ATP1A1: variants seen among roughly 807,000 people sequenced by gnomAD.
ATP1A1 encodes ATPase Na+/K+ transporting subunit alpha 1.
A neutral mutation model predicts 114.8 loss-of-function variants in ATP1A1; 14 were observed. The ratio of observed to expected loss-of-function variants is 0.12; its 90% CI spans 0.08 to 0.19. The LOEUF (loss-of-function observed/expected upper bound fraction) is 0.19, where lower values mean the gene tolerates loss of function less well. Among genes scored for constraint, ATP1A1 ranks in the 10% least tolerant of loss-of-function variants. ATP1A1 has a pLI of 1.00. For synonymous variants in ATP1A1, 471 were observed against 466.3 expected (o/e 1.01, Z -0.13); for missense variants, 524 against 1,290.7 (o/e 0.41, Z 9.10).
At position 116,402,526 on chromosome 1, in the gene ATP1A1, C is replaced by T. The variant is rs979917402; in HGVS notation, c.2951+871C>T. Among the ~76,000 whole-genome samples the T allele has an allele frequency of 2.0e-5, 3 of 152,246 alleles. No homozygotes were observed. In the East Asian group the frequency reaches 5.8e-4, roughly 29 times the overall value. On this transcript the variant is annotated intron_variant, in intron 21 of 22. Transcript: ENST00000295598. ...GTAACCAAAACCCATCAGCCTCATT[C>T]ACTTCCTGTGGGTTATGTGCAGACA...
chr1:116,376,448 C>G (rs772118410), intron 1 of ATP1A1, among the ~76,000 whole-genome samples: 1 of 152,160 alleles, frequency 6.6e-6, no homozygotes, highest in African/African-American at 2.4e-5. Flanking sequence ...TGGAAAGTTG[C>G]CCGGGCCTGG....
chr1:116,386,489 A>G (rs1446505254), intron 3 of ATP1A1, among the ~76,000 whole-genome samples: 1 of 152,238 alleles, frequency 6.6e-6, no homozygotes, highest in African/African-American at 2.4e-5. Context: ...ATAGCACTCA[A>G]ATGTTTGGTA....
At chr1:116,375,631 T>C (rs1307968166) in intron 1 of ATP1A1, among the ~76,000 whole-genome samples, 3 of 152,228 alleles carry the variant, frequency 2.0e-5, no homozygotes, top group East Asian at 1.9e-4. Flanking sequence ...TTGAGTATTC[T>C]GATACATTAA....
rs756472989 is a variant in ATP1A1 at position 116,387,350 on chromosome 1, C to G, written c.246C>G (p.Pro82=). ...LARDGPNALT[P]PPTTPEWIKF... ...GAGATGGTCCCAACGCCCTCACTCC[C>G]CCTCCCACTACTCCTGAATGGATCA... The change falls in exon 4 of 23, where the codon CCC becomes CCG. Residue 82 remains proline, a synonymous_variant. Transcript: ENST00000295598. This position sits in a 1 kb window ranked among gnomAD's most constrained non-coding sequence, Gnocchi z 6.7. 2 of 1,614,082 alleles carry G rather than the reference C, an allele frequency of 1.2e-6. No homozygotes were observed. The highest frequency in any genetic ancestry group is 1.7e-5 in the Admixed American group (1 of 60,002).
chr1:116,382,275 G>C (rs931822647), intron 1 of ATP1A1: 2 of 152,156 alleles, frequency 1.3e-5, no homozygotes, highest in African/African-American at 2.4e-5. Flanking sequence ...CTCATTAAAG[G>C]TATGATATAC....
Position 116,384,745 on chromosome 1 carries a change from A to C in ATP1A1, c.124-38A>C. 6.5e-7 allele frequency: 1 copy of C among 1,533,160 alleles called. No homozygotes were observed. Among genetic ancestry groups the C allele is most frequent in the Non-Finnish European group, 8.9e-7 (1 of 1,120,306 alleles). 95.0% of individuals were successfully genotyped at this position (1,533,160 alleles called of 1,614,324 possible). ...TTTTTCTGTCATTTTTTTATACTAC[A>C]CTGTTTAACTATTTTCTTTGTTTCT... On this transcript the variant is annotated intron_variant, in intron 2 of 22. Coordinates refer to ENST00000295598, the MANE Select transcript of ATP1A1 (RefSeq NM_000701.8). This position sits in a 1 kb window ranked among gnomAD's most constrained non-coding sequence, Gnocchi z 5.1.
chr1:116,391,174 G>A (rs1212032833), intron 10 of ATP1A1, among the ~76,000 whole-genome samples: 2 of 152,152 alleles, frequency 1.3e-5, no homozygotes, highest in African/African-American at 4.8e-5. Context: ...GTCTTTATTG[G>A]TGAAAAACCT....
chr1:116,384,078 G>T lies in ATP1A1; in HGVS notation c.77G>T (p.Gly26Val). Residue 26 changes from glycine (G) to valine (V), a missense_variant, in exon 2 of 23, where the codon GGC becomes GTC. Physicochemically the swap from Gly to Val is moderately radical, Grantham distance 109 (BLOSUM62 -3). Transcript: ENST00000295598. The surrounding 1 kb of genome is among the most constrained non-coding windows in gnomAD (Gnocchi z 5.1). Reference sequence around the variant, plus strand: ...CAAGGTGATAAAAAGGGCAAAAAGGGCAAAAAAGACAGGGACATGGATGAA... The same window carrying T: ...CAAGGTGATAAAAAGGGCAAAAAGGTCAAAAAAGACAGGGACATGGATGAA... ...SEQGDKKGKK[G>V]KKDRDMDELK... The T allele has an allele frequency of 1.2e-6, 2 of 1,613,752 alleles. No homozygotes were observed. Among genetic ancestry groups the T allele is most frequent in the African/African-American group, 2.7e-5 (2 of 74,994 alleles).
rs1315594184 is a variant in ATP1A1 at position 116,404,625 on chromosome 1, G to A, written c.*181G>A. ...TAGCTCTATGGGGGGAGGGGGGAGG[G>A]CTGCCTGAAAACCATCCATCTGTGG... On this transcript the variant is annotated 3_prime_UTR_variant, in exon 23 of 23. Transcript: ENST00000295598. This position sits in a 1 kb window ranked among gnomAD's most constrained non-coding sequence, Gnocchi z 4.8. 8.7e-6 allele frequency: 5 copies of A among 572,528 alleles called. No homozygotes were observed. The highest frequency in any genetic ancestry group is 1.1e-5 in the Non-Finnish European group (4 of 369,614). The allele number at this position is 572,528 out of a possible 1,614,324, so 35.5% of individuals were successfully genotyped here.
chr1:116,374,489 G>A (rs1201741098), intron 1 of ATP1A1, among the ~76,000 whole-genome samples: 1 of 152,146 alleles, frequency 6.6e-6, no homozygotes, highest in Admixed American at 6.5e-5. Flanking sequence ...ACCAAAGGGC[G>A]GTCCCTGAAG....
rs375787318 is a variant in ATP1A1 at position 116,393,707 on chromosome 1, C to G, written c.1644C>G (p.Leu548=). Residue 548 remains leucine (L), a synonymous_variant, in exon 12 of 23, where the codon CTC becomes CTG. Coordinates refer to ENST00000295598, the MANE Select transcript of ATP1A1 (RefSeq NM_000701.8). This position sits in a 1 kb window ranked among gnomAD's most constrained non-coding sequence, Gnocchi z 5.0. ...FQNAYLELGG[L]GERVLGFCHL... Reference sequence around the variant, plus strand: ...ACGCCTATTTGGAGCTGGGGGGCCTCGGAGAACGAGTCCTAGGTATGCAGA... The same window carrying G: ...ACGCCTATTTGGAGCTGGGGGGCCTGGGAGAACGAGTCCTAGGTATGCAGA... 6.2e-7 allele frequency: 1 copy of G among 1,613,064 alleles called. No individual in the cohort carries two copies. Among genetic ancestry groups the G allele is most frequent in the African/African-American group, 1.3e-5 (1 of 74,880 alleles).
Position 116,388,614 on chromosome 1 carries a change from G to T in ATP1A1, c.502-24G>T. Reference sequence around the variant, plus strand: ...CCTTCTCTTTGTTGGTATACTAACGGTGTAAATTGTTTCTTTTCCAAAGCA... The same window carrying T: ...CCTTCTCTTTGTTGGTATACTAACGTTGTAAATTGTTTCTTTTCCAAAGCA... On this transcript the variant is annotated intron_variant, in intron 5 of 22. Coordinates refer to ENST00000295598, the MANE Select transcript of ATP1A1 (RefSeq NM_000701.8). The surrounding 1 kb of genome is among the most constrained non-coding windows in gnomAD (Gnocchi z 5.6). 6.2e-7 allele frequency: 1 copy of T among 1,612,442 alleles called. No homozygotes were observed. Among genetic ancestry groups the T allele is most frequent in the Non-Finnish European group, 8.5e-7 (1 of 1,179,004 alleles).
Position 116,393,180 on chromosome 1 carries a change from C to T in ATP1A1, c.1467+192C>T, listed in dbSNP as rs777252447. Among the ~76,000 whole-genome samples the T allele has an allele frequency of 6.6e-6, 1 of 152,126 alleles. No individual in the cohort carries two copies. The highest frequency in any genetic ancestry group is 1.5e-5 in the Non-Finnish European group (1 of 68,032). ...AGGATAAATGAAGCCTCTTGCAAAA[C>T]ACTGTTGAGCCCTTTTGAATACTTG... is the stretch of plus-strand genomic sequence containing the variant. On this transcript the variant is annotated intron_variant, in intron 11 of 22. Coordinates refer to ENST00000295598, the MANE Select transcript of ATP1A1 (RefSeq NM_000701.8). The surrounding 1 kb of genome is among the most constrained non-coding windows in gnomAD (Gnocchi z 5.0).
At chr1:116,403,840 CTG>C in intron 21 of ATP1A1, 42 bp from the exon 22 acceptor site, 1 of 1,491,014 alleles carries the variant, frequency 6.7e-7, no homozygotes, top group Non-Finnish European at 9.2e-7. Flanking sequence ...TTTATTTGAA[CTG>C]TGTTCGTGTG....
chr1:116,386,565 G>A (rs1253813123), intron 3 of ATP1A1, among the ~76,000 whole-genome samples: 2 of 151,260 alleles, frequency 1.3e-5, no homozygotes, highest in Non-Finnish European at 2.9e-5. Context: ...TTTTTGACTT[G>A]TTATTTTGAG....
intron 10 of ATP1A1, chr1:116,392,636 TG>T: frequency 2.2e-6 from 1 of 453,900 alleles, no homozygotes. Context: ...TGCTGTGGGG[TG>T]GGGAAGGACG....
chr1:116,373,984 G>C, intron 1 of ATP1A1: 1 of 1,381,606 alleles, frequency 7.2e-7, no homozygotes, highest in African/African-American at 1.5e-5. Context: ...CTGAGGAAAG[G>C]CGCGCTCCTC....
chr1:116,384,021 G>T lies in ATP1A1; in HGVS notation c.20G>T (p.Arg7Leu), dbSNP rs146195513. ...TCCCACATTCTCCTACAGGTTGGAC[G>T]TGATAAGTATGAGCCTGCAGCTGTT... MGKGVG[R>L]DKYEPAAVSE... The change falls in exon 2 of 23, where the codon CGT becomes CTT. Residue 7 changes from arginine to leucine, a missense_variant. Around this residue, in one of 8 missense-constraint regions of ATP1A1, gnomAD observed 33 missense variants for 31.2 expected, o/e 1.06. Coordinates refer to ENST00000295598, the MANE Select transcript of ATP1A1 (RefSeq NM_000701.8). This position sits in a 1 kb window ranked among gnomAD's most constrained non-coding sequence, Gnocchi z 5.1. 1 of 1,613,862 alleles carries T rather than the reference G, an allele frequency of 6.2e-7. No homozygotes were observed. The highest frequency in any genetic ancestry group is 8.5e-7 in the Non-Finnish European group (1 of 1,179,870).
rs1651205387 is a variant in ATP1A1, at chr1:116,374,277, T to G, written c.12+754T>G. Reference sequence around the variant, plus strand: ...GAGGGCTTTCTTGGGCCACTTTCCGTAAACACAGGATGCACCGATGGCAAC... The same window carrying G: ...GAGGGCTTTCTTGGGCCACTTTCCGGAAACACAGGATGCACCGATGGCAAC... On this transcript the variant is annotated intron_variant, in intron 1 of 22. Coordinates refer to ENST00000295598, the MANE Select transcript of ATP1A1 (RefSeq NM_000701.8). 3 of 1,551,630 alleles carry G rather than the reference T, an allele frequency of 1.9e-6. No homozygotes were observed. The Admixed American group carries it at 5.9e-5, about 30-fold the overall frequency.
Sources: allele counts gnomAD v4.1 joint callset (sites outside exome capture counted in the v4.1 genomes callset), GRCh38; gene constraint gnomAD v4.1.1; regional missense constraint gnomAD v4.1.1; non-coding constraint Gnocchi (gnomAD v3.1); transcripts MANE v1.5; gene names NCBI Gene and HGNC (gene_info 2026-07-23, HGNC 2026-07-21).